The following FPR2 variants were observed in gnomAD, a reference collection of about 807,000 sequenced individuals.
The protein encoded by FPR2 is N-formyl peptide receptor 2.
Under a neutral mutation model 4.0 loss-of-function variants are expected in FPR2, and 3 were observed. The observed-to-expected ratio is 0.74, with a 90% confidence interval of 0.34 to 1.92. The LOEUF is 1.92. Ranked by LOEUF, FPR2 falls within the 30% of genes most tolerant of loss-of-function variation. FPR2 has a pLI of 0.07. For missense variants in FPR2, 372 were observed against 435.7 expected (o/e 0.85, Z 1.30); for synonymous variants, 179 against 171.5 (o/e 1.04, Z -0.34).
intron 1 of FPR2, among the ~76,000 whole-genome samples, chr19:51,765,230 A>G (rs573980588): frequency 1.3e-5 from 2 of 152,310 alleles, no homozygotes; most frequent in South Asian, 4.1e-4. Context: ...GAGTCTGTTG[A>G]GGAACTATGG....
At position 51,769,271 on chromosome 19, in the gene FPR2, C is replaced by T. The variant is rs761462518; in HGVS notation, c.613C>T (p.Arg205Trp). 8 of 1,614,032 alleles carry T rather than the reference C, an allele frequency of 5.0e-6. No individual in the cohort carries two copies. Among genetic ancestry groups the T allele is most frequent in the South Asian group, 3.3e-5 (3 of 91,086 alleles). ...CATGCTGACAGCCAGAGGGATTATC[C>T]GGTTTGTCATTGGCTTTAGCTTGCC... ...ITMLTARGII[R>W]FVIGFSLPMS... Residue 205 changes from arginine (R) to tryptophan (W), a missense_variant, in exon 2 of 2, where the codon CGG becomes TGG. Transcript: ENST00000340023. The surrounding 1 kb of genome is among the most constrained non-coding windows in gnomAD (Gnocchi z 4.4).
rs911826864 is a variant in FPR2 at position 51,768,780 on chromosome 19, T to C, written c.122T>C (p.Val41Ala). The C allele has an allele frequency of 6.2e-7, 1 of 1,613,920 alleles. No homozygotes were observed. The change falls in exon 2 of 2, where the codon GTC becomes GCC. Residue 41 changes from valine to alanine, a missense_variant. Coordinates refer to ENST00000340023, the MANE Select transcript of FPR2 (RefSeq NM_001005738.2). Reference sequence around the variant, plus strand: ...CTTGGGGTCACCTTTGTCCTCGGGGTCCTGGGCAATGGGCTTGTGATCTGG... The same window carrying C: ...CTTGGGGTCACCTTTGTCCTCGGGGCCCTGGGCAATGGGCTTGTGATCTGG... ...VVLGVTFVLG[V>A]LGNGLVIWVA... is the part of the protein sequence containing the mutation.
At chr19:51,765,562 G>A (rs149186443) in intron 1 of FPR2, among the ~76,000 whole-genome samples, 56 of 152,298 alleles carry the variant, frequency 3.7e-4, no homozygotes, top group South Asian at 2.7e-3. Context: ...TGTGAGAGGC[G>A]TTGATAGGGT....
At chr19:51,764,377 G>C (rs73937317) in intron 1 of FPR2, among the ~76,000 whole-genome samples, 3,997 of 152,280 alleles carry the variant, frequency 0.026, 172 homozygotes, top group African/African-American at 0.086. Context: ...CATCTGCTGA[G>C]AGTGGGAAAA....
chr19:51,766,246 A>G (rs1331559225), intron 1 of FPR2, among the ~76,000 whole-genome samples: 1 of 152,014 alleles, frequency 6.6e-6, no homozygotes, highest in African/African-American at 2.4e-5. Flanking sequence ...TGTAACAGTG[A>G]CTCTCAATTG....
chr19:51,763,498 T>C (rs1039839658), intron 1 of FPR2: 1 of 152,168 alleles, frequency 6.6e-6, no homozygotes, highest in African/African-American at 2.4e-5. Context: ...GTCATAAGCA[T>C]CCTCAGGAAA....
intron 1 of FPR2, among the ~76,000 whole-genome samples, chr19:51,766,879 T>C (rs2083871149): frequency 6.6e-6 from 1 of 152,236 alleles, no homozygotes; most frequent in African/African-American, 2.4e-5. Context: ...TAGCAAATCA[T>C]CCTGGCTTTT....
At chr19:51,766,121 G>A (rs753011906) in intron 1 of FPR2, among the ~76,000 whole-genome samples, 6 of 152,188 alleles carry the variant, frequency 3.9e-5, no homozygotes, top group Non-Finnish European at 7.4e-5. Context: ...GGGCTTCACC[G>A]TATTGCCCAG....
chr19:51,769,626 G>C lies in FPR2; in HGVS notation c.968G>C (p.Arg323Thr). The change falls in exon 2 of 2, where the codon AGG (arginine) becomes ACG (threonine). Residue 323 changes from arginine (R) to threonine (T), a missense_variant. Transcript: ENST00000340023. The surrounding 1 kb of genome is among the most constrained non-coding windows in gnomAD (Gnocchi z 4.4). ...CACTCCCTGCCCACCAGTCTGGAGAGGGCCCTGTCTGAGGACTCAGCCCCA... is the reference window on the plus strand; with the variant it reads ...CACTCCCTGCCCACCAGTCTGGAGACGGCCCTGTCTGAGGACTCAGCCCCA... ...LIHSLPTSLE[R>T]ALSEDSAPTN... 1.2e-6 allele frequency: 2 copies of C among 1,614,194 alleles called. No individual in the cohort carries two copies. The highest frequency in any genetic ancestry group is 1.7e-6 in the Non-Finnish European group (2 of 1,180,038).
At chr19:51,765,176 C>T (rs2083861700) in intron 1 of FPR2, among the ~76,000 whole-genome samples, 1 of 152,176 alleles carries the variant, frequency 6.6e-6, no homozygotes, top group African/African-American at 2.4e-5. Flanking sequence ...ATCATGTCTT[C>T]TAAGTGTCTT....
At chr19:51,765,652 C>A (rs571012665) in intron 1 of FPR2, among the ~76,000 whole-genome samples, 1 of 152,224 alleles carries the variant, frequency 6.6e-6, no homozygotes, top group Non-Finnish European at 1.5e-5. Flanking sequence ...TTGTCCTGAC[C>A]TTGAACTTCA....
At chr19:51,764,718 C>T (rs988793761) in intron 1 of FPR2, among the ~76,000 whole-genome samples, 2 of 152,192 alleles carry the variant, frequency 1.3e-5, no homozygotes, top group African/African-American at 4.8e-5. Context: ...ATCTGTGGTT[C>T]GCAGTTCTCC....
chr19:51,768,981 A>G lies in FPR2; in HGVS notation c.323A>G (p.Asn108Ser), dbSNP rs780394996. Residue 108 changes from asparagine to serine, a missense_variant, in exon 2 of 2, where the codon AAC becomes AGC. Asn to Ser is a conservative substitution (Grantham distance 46). Transcript: ENST00000340023. ...CKLIHIVVDI[N>S]LFGSVFLIGF... Reference sequence around the variant, plus strand: ...TTAATTCACATCGTGGTGGACATCAACCTCTTTGGAAGTGTCTTCTTGATT... The same window carrying G: ...TTAATTCACATCGTGGTGGACATCAGCCTCTTTGGAAGTGTCTTCTTGATT... 7 of 1,613,830 alleles carry G rather than the reference A, an allele frequency of 4.3e-6. No individual in the cohort carries two copies. Among genetic ancestry groups the G allele is most frequent in the African/African-American group, 2.7e-5 (2 of 74,828 alleles).
At chr19:51,767,271 A>C (rs1045201891) in intron 1 of FPR2, among the ~76,000 whole-genome samples, 3 of 152,250 alleles carry the variant, frequency 2.0e-5, no homozygotes, top group African/African-American at 7.2e-5. Flanking sequence ...AGACCACGGC[A>C]TAAGAAAATG....
rs149070750 is a variant in FPR2 at position 51,769,153 on chromosome 19, T to G, written c.495T>G (p.Thr165=). 4.3e-6 allele frequency: 7 copies of G among 1,614,242 alleles called. No individual in the cohort carries two copies. Among genetic ancestry groups the G allele is most frequent in the Non-Finnish European group, 5.9e-6 (7 of 1,180,048 alleles). ...CCTTGCCAGTTTTCCTCTTTTTGAC[T>G]ACAGTAACTATTCCAAATGGGGACA... The part of the protein sequence containing the change: ...VLTLPVFLFL[T]TVTIPNGDTY... The change falls in exon 2 of 2, where the codon ACT becomes ACG. Residue 165 remains threonine, a synonymous_variant. Coordinates refer to ENST00000340023, the MANE Select transcript of FPR2 (RefSeq NM_001005738.2). The surrounding 1 kb of genome is among the most constrained non-coding windows in gnomAD (Gnocchi z 4.4).
chr19:51,765,576 A>T (rs2083863626), intron 1 of FPR2, among the ~76,000 whole-genome samples: 1 of 152,214 alleles, frequency 6.6e-6, no homozygotes, highest in Admixed American at 6.5e-5. Flanking sequence ...ATAGGGTTAA[A>T]GGAAAAGCTC....
intron 1 of FPR2, chr19:51,762,433 C>T (rs111310459): frequency 4.2e-3 from 622 of 148,802 alleles, no homozygotes; most frequent in Middle Eastern, 0.011. Flanking sequence ...GCTCTTGTTG[C>T]CCAGGCTGGA....
At chr19:51,767,648 C>G (rs2083875338) in intron 1 of FPR2, among the ~76,000 whole-genome samples, 7 of 152,028 alleles carry the variant, frequency 4.6e-5, no homozygotes. Context: ...GGTGGGCAAC[C>G]AGCAATATCT....
At position 51,770,360 on chromosome 19, in the gene FPR2, T is replaced by C. The variant is rs187291482; in HGVS notation, c.*646T>C. The C allele has an allele frequency of 6.0e-6, 1 of 167,222 alleles. No homozygotes were observed. The highest frequency in any genetic ancestry group is 2.4e-5 in the African/African-American group (1 of 41,580). The allele number at this position is 167,222 out of a possible 1,614,324, so 10.4% of individuals were successfully genotyped here. A position where few individuals can be genotyped will look rare whatever the true frequency, so the allele number is the denominator to read the frequency against. On this transcript the variant is annotated 3_prime_UTR_variant, in exon 2 of 2. Transcript: ENST00000340023. ...GTTAGAATTTCTGTGTTTATGTTTA[T>C]ATACTGTTATTTCACTTTTTCTACT...
Sources: gnomAD v4.1 joint callset for allele counts (sites outside exome capture counted in the v4.1 genomes callset) on GRCh38, gnomAD v4.1.1 for gene constraint, Gnocchi (gnomAD v3.1) non-coding constraint, MANE v1.5 for transcripts, NCBI Gene and HGNC (gene_info 2026-07-23, HGNC 2026-07-21) for gene names.